Variants in RIGI observed in about 807,000 individuals in gnomAD.
The protein encoded by RIGI is antiviral innate immune response receptor RIG-I.
chr9:32,506,469 G>A, the RIGI span, among the ~76,000 whole-genome samples: 1 of 152,148 alleles, frequency 6.6e-6, no homozygotes, highest in African/African-American at 2.4e-5. Flanking sequence ...TCCACCTTTG[G>A]CCAGTGTCTT....
chr9:32,461,305 A>T, the RIGI span, among the ~76,000 whole-genome samples: 3 of 152,234 alleles, frequency 2.0e-5, no homozygotes, highest in African/African-American at 7.2e-5. Flanking sequence ...GGCTAAAAGA[A>T]GTTTTCTAAA....
chr9:32,459,339 A>T, the RIGI span: 4 of 1,605,696 alleles, frequency 2.5e-6, no homozygotes, highest in Non-Finnish European at 3.4e-6. Context: ...GTGCTAAAAC[A>T]TGACCAGGCA....
the RIGI span, among the ~76,000 whole-genome samples, chr9:32,489,909 T>C: frequency 1.3e-5 from 2 of 152,218 alleles, no homozygotes; most frequent in Non-Finnish European, 2.9e-5. Flanking sequence ...ATATTTTCTC[T>C]CAACATAACC....
the RIGI span, among the ~76,000 whole-genome samples, chr9:32,495,502 T>G: frequency 6.7e-6 from 1 of 149,098 alleles, no homozygotes; most frequent in Non-Finnish European, 1.5e-5. Flanking sequence ...TGCCCAGCTT[T>G]GTTTTTGTTT....
chr9:32,487,800 A>G, the RIGI span: 1 of 1,275,450 alleles, frequency 7.8e-7, no homozygotes, highest in Non-Finnish European at 1.1e-6. Context: ...TGAACAAATG[A>G]ATAAAGGAAA....
chr9:32,463,062 T>C, the RIGI span, among the ~76,000 whole-genome samples: 1 of 151,954 alleles, frequency 6.6e-6, no homozygotes, highest in Admixed American at 6.6e-5. Context: ...GAGGCTGAGA[T>C]TGCAGTGAGC....
At chr9:32,485,498 AC>A in the RIGI span, 1 of 562,704 alleles carries the variant, frequency 1.8e-6, no homozygotes, top group Non-Finnish European at 3.2e-6. Context: ...TGATTCTAAC[AC>A]CTGTCTTTCA....
the RIGI span, among the ~76,000 whole-genome samples, chr9:32,518,156 G>GA: frequency 1.3e-5 from 2 of 151,906 alleles, no homozygotes; most frequent in African/African-American, 4.8e-5. Flanking sequence ...TTTTTATTCA[G>GA]AAAAAAATTT....
chr9:32,499,459 T>G, the RIGI span, among the ~76,000 whole-genome samples: 1 of 151,960 alleles, frequency 6.6e-6, no homozygotes, highest in East Asian at 1.9e-4. Context: ...ATTTATTTAT[T>G]TATTTATTTA....
At chr9:32,459,260 T>C in the RIGI span, 1 of 1,261,968 alleles carries the variant, frequency 7.9e-7, no homozygotes, top group Non-Finnish European at 1.1e-6. Context: ...ACACAGATCA[T>C]GGCCACAGTA....
chr9:32,466,792 A>G, the RIGI span, among the ~76,000 whole-genome samples: 6 of 151,236 alleles, frequency 4.0e-5, no homozygotes, highest in South Asian at 4.2e-4. Flanking sequence ...TGGCTTTCTC[A>G]GGGTCTCAAC....
chr9:32,457,733 G>A, the RIGI span, among the ~76,000 whole-genome samples: 2 of 152,114 alleles, frequency 1.3e-5, no homozygotes, highest in South Asian at 2.1e-4. Flanking sequence ...AAACAGAAGC[G>A]ATGTTTGCTG....
the RIGI span, among the ~76,000 whole-genome samples, chr9:32,506,157 G>A: frequency 6.6e-6 from 1 of 152,188 alleles, no homozygotes; most frequent in South Asian, 2.1e-4. Flanking sequence ...GGTGGAGATT[G>A]CAGTGAGCTG....
chr9:32,480,218 C>A, the RIGI span: 43 of 1,594,540 alleles, frequency 2.7e-5, no homozygotes, highest in Non-Finnish European at 3.6e-5. Flanking sequence ...ACACCACTCA[C>A]CTTCAAATCT....
the RIGI span, among the ~76,000 whole-genome samples, chr9:32,475,612 GAAAAA>G: frequency 3.5e-5 from 5 of 144,564 alleles, no homozygotes; most frequent in Non-Finnish European, 7.6e-5. Context: ...TACACAAAAA[GAAAAA>G]AAAAAGAAAG....
chr9:32,470,070 C>T, the RIGI span, among the ~76,000 whole-genome samples: 2 of 152,178 alleles, frequency 1.3e-5, no homozygotes, highest in Admixed American at 1.3e-4. Flanking sequence ...AAATCAATCT[C>T]TAAACATTAT....
At chr9:32,458,244 A>G in the RIGI span, among the ~76,000 whole-genome samples, 2 of 152,342 alleles carry the variant, frequency 1.3e-5, no homozygotes, top group African/African-American at 2.4e-5. Context: ...GTTTTAAGAA[A>G]GAAATATAAG....
the RIGI span, chr9:32,481,569 A>AC: frequency 9.4e-7 from 1 of 1,066,720 alleles, no homozygotes. Flanking sequence ...AACAGGCCTC[A>AC]CCCTCTAATT....
At chr9:32,508,761 C>CT in the RIGI span, among the ~76,000 whole-genome samples, 4 of 152,054 alleles carry the variant, frequency 2.6e-5, no homozygotes, top group African/African-American at 9.7e-5. Flanking sequence ...ACCATTCACT[C>CT]TCCTGGAAAG....
Sources: gnomAD v4.1 joint callset for allele counts (sites outside exome capture counted in the v4.1 genomes callset) on GRCh38, gnomAD v4.1.1 for gene constraint, MANE v1.5 for transcripts, NCBI Gene and HGNC (gene_info 2026-07-23, HGNC 2026-07-21) for gene names.